CTNND2: variants seen among roughly 807,000 people sequenced by gnomAD.
The protein encoded by CTNND2 is catenin delta-2.
A neutral mutation model predicts 144.4 loss-of-function variants in CTNND2; 22 were observed. The observed-to-expected ratio is 0.15, with a 90% CI of 0.11 to 0.22. The LOEUF is 0.22. CTNND2 is among the 10% of genes least tolerant of loss of function. The pLI is 1.00. For missense variants in CTNND2, 1,353 were observed against 1,618.8 expected (o/e 0.84, Z 2.82); for synonymous variants, 751 against 695.6 (o/e 1.08, Z -1.25).
Position 11,594,669 on chromosome 5 carries a change from T to C in CTNND2, c.175-29613A>G, listed in dbSNP as rs369049035. On this transcript the variant is annotated intron_variant, in intron 2 of 21. Transcript: ENST00000304623. ...CCCTTTGGACAAATAATCCAATCTTTTGGACAAAAAACAAACAAATATACA... is the reference window on the plus strand; with the variant it reads ...CCCTTTGGACAAATAATCCAATCTTCTGGACAAAAAACAAACAAATATACA... Among the ~76,000 whole-genome samples, 117 of 152,290 alleles carry C rather than the reference T, an allele frequency of 7.7e-4. 4 individuals are homozygous for C. In the South Asian group the frequency reaches 0.024, roughly 31 times the overall value.
rs188561715 is a variant in CTNND2, at chr5:11,460,229, G to C, written c.288-48160C>G. Among the ~76,000 whole-genome samples the C allele has an allele frequency of 1.0e-3, 154 of 152,268 alleles. 3 individuals are homozygous for C. The highest frequency in any genetic ancestry group is 5.1e-4 in the Non-Finnish European group (35 of 68,016). On this transcript the variant is annotated intron_variant, in intron 3 of 21. Coordinates refer to ENST00000304623, the MANE Select transcript of CTNND2 (RefSeq NM_001332.4). ...CCACCAAAATCTTACATCTCACCCAGATCACGGGACTACTGACAGAATTCA... is the reference window on the plus strand; with the variant it reads ...CCACCAAAATCTTACATCTCACCCACATCACGGGACTACTGACAGAATTCA...
chr5:11,407,111 A>C (rs1359585576), intron 5 of CTNND2, among the ~76,000 whole-genome samples: 1 of 152,206 alleles, frequency 6.6e-6, no homozygotes, highest in African/African-American at 2.4e-5. Flanking sequence ...TGTATATAAA[A>C]GGATGCATAG....
At chr5:11,584,418 T>A (rs1471814076) in intron 2 of CTNND2, among the ~76,000 whole-genome samples, 1 of 32,730 alleles carries the variant, frequency 3.1e-5, no homozygotes, top group Non-Finnish European at 7.6e-5. Context: ...TATATATATA[T>A]TTTTTTTGGG....
At chr5:11,750,070 T>G (rs904443218) in intron 1 of CTNND2, among the ~76,000 whole-genome samples, 2 of 151,900 alleles carry the variant, frequency 1.3e-5, no homozygotes, top group South Asian at 4.1e-4. Flanking sequence ...ACTAGTACCT[T>G]TCTGGTCTTG....
chr5:11,181,420 G>A (rs1760982624), intron 11 of CTNND2, among the ~76,000 whole-genome samples: 2 of 152,270 alleles, frequency 1.3e-5, no homozygotes, highest in Admixed American at 6.5e-5. Flanking sequence ...GAAGCAGCAG[G>A]TGAGATGGCG....
chr5:11,131,884 A>G (rs1249180598), intron 12 of CTNND2, among the ~76,000 whole-genome samples: 1 of 152,224 alleles, frequency 6.6e-6, no homozygotes, highest in Non-Finnish European at 1.5e-5. Context: ...TACTTGCAGG[A>G]TATTTTAACA....
chr5:11,808,249 T>C (rs1336480015), intron 1 of CTNND2, among the ~76,000 whole-genome samples: 1 of 152,162 alleles, frequency 6.6e-6, no homozygotes. Flanking sequence ...TATTCACTTA[T>C]TGCCATATAT....
At position 11,714,804 on chromosome 5, in the gene CTNND2, G is replaced by C. The variant is rs552772305; in HGVS notation, c.174+17332C>G. 4.0e-5 allele frequency among the ~76,000 whole-genome samples: 6 copies of C among 151,858 alleles called. No homozygotes were observed. In the East Asian group the frequency reaches 1.2e-3, roughly 30 times the overall value. ...GGTGCCTGTAGTCCCAGCTACTCGG[G>C]AGGCTGAAGCAGGAGAATGGCATGA... On this transcript the variant is annotated intron_variant, in intron 2 of 21. Coordinates refer to ENST00000304623, the MANE Select transcript of CTNND2 (RefSeq NM_001332.4).
At chr5:11,672,942 C>A (rs1279046469) in intron 2 of CTNND2, among the ~76,000 whole-genome samples, 1 of 152,130 alleles carries the variant, frequency 6.6e-6, no homozygotes, top group African/African-American at 2.4e-5. Context: ...GCACCCTGTC[C>A]AACCAGTCAC....
At chr5:11,817,992 T>TTG (rs1554126335) in intron 1 of CTNND2, among the ~76,000 whole-genome samples, 1 of 63,604 alleles carries the variant, frequency 1.6e-5, no homozygotes, top group African/African-American at 3.7e-5. Context: ...TTTTTTTTTT[T>TTG]TTTTTTTTTT....
intron 1 of CTNND2, among the ~76,000 whole-genome samples, chr5:11,823,977 G>C (rs566663782): frequency 6.6e-6 from 1 of 151,418 alleles, no homozygotes; most frequent in South Asian, 2.1e-4. Context: ...GCATGGTGGC[G>C]GGATGCCTGT....
chr5:11,081,104 ACACT>A (rs1280468486), intron 16 of CTNND2, among the ~76,000 whole-genome samples: 2 of 147,688 alleles, frequency 1.4e-5, no homozygotes, highest in Non-Finnish European at 3.0e-5. Flanking sequence ...ACACACACAC[ACACT>A]CACACACACA....
At chr5:11,319,633 G>C (rs1382954473) in intron 9 of CTNND2, among the ~76,000 whole-genome samples, 2 of 152,106 alleles carry the variant, frequency 1.3e-5, no homozygotes, top group African/African-American at 4.8e-5. Flanking sequence ...CGATCCTCCT[G>C]CCTTAGCCTC....
At chr5:11,440,255 G>C (rs984720723) in intron 3 of CTNND2, among the ~76,000 whole-genome samples, 1 of 151,962 alleles carries the variant, frequency 6.6e-6, no homozygotes, top group African/African-American at 2.4e-5. Flanking sequence ...GTGTGAACTC[G>C]CTCATGGCAT....
intron 9 of CTNND2, among the ~76,000 whole-genome samples, chr5:11,240,472 CACAT>C (rs1186450447): frequency 7.9e-6 from 1 of 127,342 alleles, no homozygotes; most frequent in African/African-American, 3.0e-5. Flanking sequence ...CACACACACT[CACAT>C]ACACTCAAAC....
intron 2 of CTNND2, among the ~76,000 whole-genome samples, chr5:11,690,666 G>A (rs1458365663): frequency 6.8e-6 from 1 of 146,306 alleles, no homozygotes; most frequent in Non-Finnish European, 1.5e-5. Context: ...AACCCGGGAA[G>A]TGGAGCTTGC....
intron 1 of CTNND2, among the ~76,000 whole-genome samples, chr5:11,833,829 T>C (rs1362899185): frequency 6.6e-6 from 1 of 152,206 alleles, no homozygotes; most frequent in African/African-American, 2.4e-5. Flanking sequence ...CGACTGGAAC[T>C]GTTTTCTATC....
At chr5:10,983,596 T>C (rs138589402) in intron 20 of CTNND2, among the ~76,000 whole-genome samples, 250 of 152,328 alleles carry the variant, frequency 1.6e-3, no homozygotes, top group African/African-American at 5.7e-3. Flanking sequence ...TCTGTTATCC[T>C]CTCTGGTTGA....
intron 9 of CTNND2, among the ~76,000 whole-genome samples, chr5:11,253,854 T>A (rs1332241301): frequency 6.6e-6 from 1 of 152,230 alleles, no homozygotes; most frequent in African/African-American, 2.4e-5. Context: ...CCAATCAAAA[T>A]CTACTGGTTT....
Sources: allele counts gnomAD v4.1 joint callset (sites outside exome capture counted in the v4.1 genomes callset), GRCh38; gene constraint gnomAD v4.1.1; transcripts MANE v1.5; gene names NCBI Gene and HGNC (gene_info 2026-07-23, HGNC 2026-07-21).